The following TNS1 variants were observed in gnomAD, a reference collection of about 807,000 sequenced individuals.
TNS1 encodes tensin 1, also known as tensin-1.
In TNS1, 62 loss-of-function variants were observed where a neutral mutation model predicts 168.6. That is an observed-to-expected ratio of 0.37 (90% CI 0.30 to 0.45). The LOEUF is 0.45. Among genes scored for constraint, TNS1 ranks in the 20% least tolerant of loss-of-function variants. The pLI, the probability that TNS1 is intolerant of heterozygous loss-of-function variation, is 1.00. For missense variants in TNS1, 2,240 were observed against 2,339.4 expected (o/e 0.96, Z 0.88); for synonymous variants, 934 against 933.2 (o/e 1.00, Z -0.02).
chr2:217,836,829 C>T (rs886426353), intron 19 of TNS1, among the ~76,000 whole-genome samples: 8 of 152,136 alleles, frequency 5.3e-5, no homozygotes, highest in Admixed American at 3.3e-4. Context: ...TAGCTCCCCG[C>T]CCCCTTTTCC....
intron 3 of TNS1, among the ~76,000 whole-genome samples, chr2:217,958,590 G>T (rs114955492): frequency 6.6e-6 from 1 of 152,318 alleles, no homozygotes; most frequent in African/African-American, 2.4e-5. Flanking sequence ...GCCCTCATGG[G>T]TAGACCTAAC....
intron 19 of TNS1, among the ~76,000 whole-genome samples, chr2:217,846,174 G>T (rs1946622308): frequency 6.6e-6 from 1 of 152,204 alleles, no homozygotes; most frequent in Non-Finnish European, 1.5e-5. Context: ...TCAGGTAAAA[G>T]GAATTGTTAC....
intron 18 of TNS1, among the ~76,000 whole-genome samples, chr2:217,853,219 G>C (rs1164926274): frequency 6.6e-6 from 1 of 152,224 alleles, no homozygotes; most frequent in Non-Finnish European, 1.5e-5. Context: ...CGGGGGCAGA[G>C]AGGACAGGAG....
intron 19 of TNS1, among the ~76,000 whole-genome samples, chr2:217,847,024 T>C (rs939552012): frequency 1.3e-5 from 2 of 152,052 alleles, no homozygotes; most frequent in African/African-American, 4.8e-5. Context: ...CCTCCAGCCT[T>C]CTCCACGTCT....
intron 13 of TNS1, 102 bp from the exon 14 acceptor site, chr2:217,886,206 G>C (rs1951188508): frequency 1.6e-6 from 2 of 1,233,844 alleles, no homozygotes; most frequent in Non-Finnish European, 2.3e-6. Context: ...AGGAAGAAAT[G>C]GGGGAAGACG....
upstream of TNS1, among the ~76,000 whole-genome samples, chr2:218,004,049 AC>A (rs1358528922): frequency 6.6e-6 from 1 of 151,990 alleles, no homozygotes; most frequent in African/African-American, 2.4e-5. Flanking sequence ...TCCAAAAAAA[AC>A]CCTTCCTCTT....
chr2:218,000,089 C>T (rs919509931), intron 1 of TNS1, among the ~76,000 whole-genome samples: 1 of 152,220 alleles, frequency 6.6e-6, no homozygotes, highest in Non-Finnish European at 1.5e-5. Flanking sequence ...CAATTATTTT[C>T]TAAATAAACC....
upstream of TNS1, among the ~76,000 whole-genome samples, chr2:218,014,282 T>A (rs1250455753): frequency 6.6e-6 from 1 of 152,124 alleles, no homozygotes; most frequent in Non-Finnish European, 1.5e-5. Context: ...GATGGGAACA[T>A]CACTGCAGGC....
At chr2:218,008,472 T>C (rs895080813) in intron 1 of TNS1, among the ~76,000 whole-genome samples, 8 of 152,210 alleles carry the variant, frequency 5.3e-5, no homozygotes, top group African/African-American at 1.7e-4. Flanking sequence ...TCAGGCTCCT[T>C]TTCTCAAATC....
rs575398822 is a variant in TNS1, at chr2:217,859,594, G to C, written c.1430-10507C>G. 5 of 1,502,554 alleles carry C rather than the reference G, an allele frequency of 3.3e-6. No homozygotes were observed. In the South Asian group the frequency reaches 3.6e-5, roughly 11 times the overall value. 93.1% of individuals were successfully genotyped at this position (1,502,554 alleles called of 1,614,324 possible). ...TGGCTTGGCAACTTGACATTTTGGA[G>C]GGCCTAACTTTGGGAAGGCCAGTGT... is the stretch of plus-strand genomic sequence containing the variant. On this transcript the variant is annotated intron_variant, in intron 18 of 32. Coordinates refer to ENST00000682258, the MANE Select transcript of TNS1 (RefSeq NM_001387777.1).
chr2:217,973,601 C>T (rs537173883), intron 3 of TNS1, among the ~76,000 whole-genome samples: 1 of 152,124 alleles, frequency 6.6e-6, no homozygotes, highest in Non-Finnish European at 1.5e-5. Flanking sequence ...GATGCTTTCA[C>T]GCTTGTTCTC....
rs1165915950 is a variant in TNS1 at position 217,898,633 on chromosome 2, CTG to C, written c.372-666_372-665del. 3.3e-5 allele frequency among the ~76,000 whole-genome samples: 5 copies of C among 152,222 alleles called. No homozygotes were observed. The Middle Eastern group carries it at 9.5e-3, about 289-fold the overall frequency. On this transcript the variant is annotated intron_variant, in intron 7 of 32. Coordinates refer to ENST00000682258, the MANE Select transcript of TNS1 (RefSeq NM_001387777.1). ...CCCCACCTCTGGCAGCTCCCACTGC[CTG>C]CCAGAGCTGCTTCTTGGCAGCAGCC...
intron 20 of TNS1, among the ~76,000 whole-genome samples, chr2:217,835,482 G>A (rs1945039952): frequency 6.6e-6 from 1 of 152,184 alleles, no homozygotes; most frequent in Non-Finnish European, 1.5e-5. Context: ...AGATTCCTGG[G>A]TCCCATCCAG....
At chr2:218,021,095 G>A (rs1429147228) in intron 1 of TNS1, among the ~76,000 whole-genome samples, 3 of 152,242 alleles carry the variant, frequency 2.0e-5, no homozygotes, top group Admixed American at 6.5e-5. Context: ...GCCTGTGCCA[G>A]GCAGCCGCTG....
At chr2:217,930,759 A>G (rs894932094) in intron 3 of TNS1, among the ~76,000 whole-genome samples, 1 of 152,228 alleles carries the variant, frequency 6.6e-6, no homozygotes, top group African/African-American at 2.4e-5. Context: ...GCCAGCCGCC[A>G]TGCTAGAAGA....
intron 1 of TNS1, among the ~76,000 whole-genome samples, chr2:218,020,869 C>A (rs1401841364): frequency 1.3e-5 from 2 of 152,132 alleles, no homozygotes; most frequent in Non-Finnish European, 2.9e-5. Flanking sequence ...AGGGAGCTTG[C>A]AGGGTAAGGG....
chr2:217,809,778 C>T, intron 30 of TNS1, 45 bp downstream of exon 30: 1 of 1,582,206 alleles, frequency 6.3e-7, no homozygotes, highest in South Asian at 1.2e-5. Flanking sequence ...ATAGATGAGT[C>T]ACAGGAAGGA....
At chr2:217,820,729 G>C (rs555097724) in intron 23 of TNS1, among the ~76,000 whole-genome samples, 113 of 152,172 alleles carry the variant, frequency 7.4e-4, no homozygotes, top group African/African-American at 2.5e-3. Flanking sequence ...CCTTTCCTAT[G>C]CCGTCATCCC....
chr2:217,904,263 C>T (rs1388249056), intron 6 of TNS1, among the ~76,000 whole-genome samples: 1 of 152,214 alleles, frequency 6.6e-6, no homozygotes, highest in Admixed American at 6.5e-5. Flanking sequence ...CACACCAACT[C>T]GGCAGGAGGA....
Sources: gnomAD v4.1 joint callset for allele counts (sites outside exome capture counted in the v4.1 genomes callset) on GRCh38, gnomAD v4.1.1 for gene constraint, MANE v1.5 for transcripts, NCBI Gene and HGNC (gene_info 2026-07-23, HGNC 2026-07-21) for gene names.